The following HEATR4 variants were observed in gnomAD, a reference collection of about 807,000 sequenced individuals.
The protein encoded by HEATR4 is HEAT repeat-containing protein 4.
In HEATR4, 95 loss-of-function variants were observed where a neutral mutation model predicts 108.8. The ratio of observed to expected loss-of-function variants is 0.87; its 90% CI spans 0.74 to 1.04. The LOEUF (loss-of-function observed/expected upper bound fraction) is 1.04. Among genes scored for constraint, HEATR4 ranks in the 50% least tolerant of loss-of-function variants. The pLI is 0.00. For missense variants in HEATR4, 1,152 were observed against 1,253.8 expected (o/e 0.92, Z 1.23); for synonymous variants, 443 against 459.4 (o/e 0.96, Z 0.46).
intron 7 of HEATR4, among the ~76,000 whole-genome samples, chr14:73,511,535 A>G (rs975746696): frequency 8.2e-6 from 1 of 122,216 alleles, no homozygotes. Flanking sequence ...AAATAAATAA[A>G]TAAATAAATA....
chr14:73,495,451 C>A (rs1886061377), intron 15 of HEATR4, 64 bp from the exon 16 acceptor site: 2 of 1,344,368 alleles, frequency 1.5e-6, no homozygotes, highest in African/African-American at 1.5e-5. Context: ...AGCAAATTAT[C>A]AAAAAACATT....
At chr14:73,624,749 G>C in the HEATR4 span, among the ~76,000 whole-genome samples, 2 of 152,206 alleles carry the variant, frequency 1.3e-5, no homozygotes, top group African/African-American at 4.8e-5. Context: ...TTAGTAAGTA[G>C]TGCAGCCTGG....
intron 17 of HEATR4, among the ~76,000 whole-genome samples, chr14:73,485,120 C>T (rs1885401645): frequency 6.6e-6 from 1 of 151,850 alleles, no homozygotes. Flanking sequence ...GCCGAGATTG[C>T]ACCACTGCAC....
At chr14:73,614,354 G>A in the HEATR4 span, among the ~76,000 whole-genome samples, 1 of 152,174 alleles carries the variant, frequency 6.6e-6, no homozygotes, top group East Asian at 1.9e-4. Flanking sequence ...CCACTGTACT[G>A]TGAATTCCTG....
At chr14:73,610,296 T>C in the HEATR4 span, among the ~76,000 whole-genome samples, 3,922 of 151,112 alleles carry the variant, frequency 0.026, 81 homozygotes, top group South Asian at 0.097. Context: ...GTCGCTTTTT[T>C]TTTTTTTTCT....
At chr14:73,508,414 C>G in intron 8 of HEATR4, 120 bp from the exon 9 acceptor site, 3 of 792,722 alleles carry the variant, frequency 3.8e-6, no homozygotes, top group Non-Finnish European at 6.2e-6. Flanking sequence ...TTGTGCCCCA[C>G]TCAGTCTAGA....
the HEATR4 span, among the ~76,000 whole-genome samples, chr14:73,570,882 G>T: frequency 6.8e-6 from 1 of 146,676 alleles, no homozygotes; most frequent in East Asian, 2.0e-4. Context: ...TCCAGCCTGG[G>T]GGACAAGAGT....
chr14:73,493,346 T>A (rs1364051701), intron 16 of HEATR4: 1 of 501,782 alleles, frequency 2.0e-6, no homozygotes, highest in East Asian at 3.3e-5. Flanking sequence ...TTTGTTATTG[T>A]TAAATTTGTA....
chr14:73,621,657 T>TTAA, the HEATR4 span, among the ~76,000 whole-genome samples: 5 of 152,176 alleles, frequency 3.3e-5, no homozygotes, highest in Admixed American at 6.6e-5. Flanking sequence ...CATTAGATCT[T>TTAA]AACAATGAAA....
At chr14:73,490,395 A>T (rs1393343783) in intron 17 of HEATR4, among the ~76,000 whole-genome samples, 4 of 152,178 alleles carry the variant, frequency 2.6e-5, no homozygotes, top group Non-Finnish European at 4.4e-5. Context: ...GCTCACTGCA[A>T]GCTCTGCCTC....
rs1330063881 is a variant in HEATR4 at position 73,538,685 on chromosome 14, C to CA, written c.-151-8442dup. On this transcript the variant is annotated intron_variant, in intron 1 of 17. Coordinates refer to ENST00000553558, the MANE Select transcript of HEATR4 (RefSeq NM_001220484.1). ...AATATTAAAAACAAACAAAACAAAACAAAAAAAACAGGCCGGACGCGGTGG... is the reference window on the plus strand; with the variant it reads ...AATATTAAAAACAAACAAAACAAAACAAAAAAAAACAGGCCGGACGCGGTGG... 1.1e-4 allele frequency among the ~76,000 whole-genome samples: 11 copies of CA among 98,134 alleles called. 1 individual carries two copies. The highest frequency in any genetic ancestry group is 1.5e-4 in the Non-Finnish European group (7 of 45,732). The allele number at this position is 98,134 out of a possible 152,430, so 64.4% of individuals were successfully genotyped here.
upstream of HEATR4, chr14:73,559,082 G>T (rs1889459043): frequency 1.3e-5 from 2 of 152,014 alleles, no homozygotes; most frequent in African/African-American, 4.8e-5. Context: ...TGAGCTTTGA[G>T]AAATTGCATC....
chr14:73,607,585 C>CAT, the HEATR4 span, among the ~76,000 whole-genome samples: 1 of 148,252 alleles, frequency 6.7e-6, no homozygotes, highest in African/African-American at 2.6e-5. Context: ...CTGCAGCCGG[C>CAT]TTGATTTTCT....
chr14:73,616,953 G>T, the HEATR4 span: 1 of 607,330 alleles, frequency 1.6e-6, no homozygotes, highest in South Asian at 2.1e-5. Flanking sequence ...TGTCTTTTGA[G>T]AAACTAAAGC....
chr14:73,568,242 C>T, the HEATR4 span: 1 of 152,010 alleles, frequency 6.6e-6, no homozygotes, highest in Non-Finnish European at 1.5e-5. Flanking sequence ...GAGGCAAACA[C>T]AGGTTTTGTG....
At chr14:73,552,723 C>G (rs1326097677) in intron 1 of HEATR4, among the ~76,000 whole-genome samples, 1 of 107,848 alleles carries the variant, frequency 9.3e-6, no homozygotes, top group Non-Finnish European at 1.9e-5. Flanking sequence ...CCCATAAACA[C>G]TCCAGTGTCC....
At chr14:73,587,158 A>C in the HEATR4 span, among the ~76,000 whole-genome samples, 1 of 151,248 alleles carries the variant, frequency 6.6e-6, no homozygotes, top group Non-Finnish European at 1.5e-5. Flanking sequence ...CAAAAAAAAG[A>C]TGATTTCTTC....
chr14:73,590,092 G>C, the HEATR4 span, among the ~76,000 whole-genome samples: 2 of 152,018 alleles, frequency 1.3e-5, no homozygotes, highest in South Asian at 2.1e-4. Context: ...ACGTAGAAAA[G>C]AACCCCAACA....
chr14:73,595,755 C>A, the HEATR4 span: 1 of 1,338,982 alleles, frequency 7.5e-7, no homozygotes, highest in South Asian at 2.0e-5. Flanking sequence ...AAAGCCATGT[C>A]TTTGTCATTA....
Sources: allele counts gnomAD v4.1 joint callset (sites outside exome capture counted in the v4.1 genomes callset), GRCh38; gene constraint gnomAD v4.1.1; transcripts MANE v1.5; gene names NCBI Gene and HGNC (gene_info 2026-07-23, HGNC 2026-07-21).